YY1AP1: variants seen among roughly 807,000 people sequenced by gnomAD.
YY1AP1 encodes YY1 associated protein 1.
YY1AP1 carries 43 observed loss-of-function variants against 39.9 expected under a neutral mutation model. The ratio of observed to expected loss-of-function variants is 1.08; its 90% CI spans 0.84 to 1.39. YY1AP1 has a LOEUF of 1.39. Ranked by LOEUF, YY1AP1 falls within the 40% of genes most tolerant of loss-of-function variation. The probability of loss-of-function intolerance (pLI) is 0.00; values close to 1 mark genes in which losing one functional copy is unlikely to be tolerated. For synonymous variants in YY1AP1, 292 were observed against 331.3 expected (o/e 0.88, Z 1.29); for missense variants, 813 against 900.7 (o/e 0.90, Z 1.25).
At chr1:155,688,849 G>A, upstream of YY1AP1, 1 of 1,595,080 alleles carries the variant, frequency 6.3e-7, no homozygotes, top group Admixed American at 1.8e-5. Flanking sequence ...GGGCAGGAGA[G>A]GAAGGGACCG....
At position 155,680,411 on chromosome 1, in the gene YY1AP1, C is replaced by G. The variant is rs1341618119; in HGVS notation, c.21+5G>C. 6.2e-7 allele frequency: 1 copy of G among 1,613,338 alleles called. No individual in the cohort carries two copies. The highest frequency in any genetic ancestry group is 8.5e-7 in the Non-Finnish European group (1 of 1,179,564). On this transcript the variant is annotated splice_donor_5th_base_variant and intron_variant, in intron 3 of 10. Coordinates refer to ENST00000355499, the MANE Select transcript of YY1AP1 (RefSeq NM_139119.3). ...CCATGTTCTCACTTGAGGATCATTA[C>G]TCACAGTTTCAAACAGATCTTCCAT...
In YY1AP1 at chr1:155,660,470, A is replaced by T. The variant is rs558229355; in HGVS notation, c.1440T>A (p.Pro480=). ...GVSGGESFES[P]AALPAMPPEA... is the part of the protein sequence containing the mutation. ...CAGGGGGCATAGCAGGCAGTGCTGC[A>T]GGAGACTCAAAACTCTCACCTCCAC... The change falls in exon 11 of 11, where the codon CCT becomes CCA. Residue 480 remains proline, a synonymous_variant. Transcript: ENST00000355499. The T allele has an allele frequency of 8.1e-6, 13 of 1,614,184 alleles. No homozygotes were observed. In the East Asian group the frequency reaches 1.1e-4, roughly 14 times the overall value.
At position 155,659,485 on chromosome 1, in the gene YY1AP1, A is replaced by G. The variant is rs969369018; in HGVS notation, c.*172T>C. The G allele has an allele frequency of 3.1e-5, 21 of 670,298 alleles. No homozygotes were observed. The highest frequency in any genetic ancestry group is 5.2e-5 in the Non-Finnish European group (20 of 383,144). The allele number at this position is 670,298 out of a possible 1,614,324, so 41.5% of individuals were successfully genotyped here. ...AATAAAAGCACAGATTTATTGAAGC[A>G]AAAGTATATTCCACAGAGTGGGAGC... On this transcript the variant is annotated 3_prime_UTR_variant, in exon 11 of 11. Coordinates refer to ENST00000355499, the MANE Select transcript of YY1AP1 (RefSeq NM_139119.3).
chr1:155,673,608 A>C (rs1264285325), intron 6 of YY1AP1, among the ~76,000 whole-genome samples: 1 of 152,070 alleles, frequency 6.6e-6, no homozygotes, highest in Non-Finnish European at 1.5e-5. Context: ...GTGATATATA[A>C]GCACGGCTCC....
chr1:155,668,669 G>C lies in YY1AP1; in HGVS notation c.837C>G (p.Ile279Met), dbSNP rs1649414966. 1 of 1,614,174 alleles carries C rather than the reference G, an allele frequency of 6.2e-7. No individual in the cohort carries two copies. Among genetic ancestry groups the C allele is most frequent in the Non-Finnish European group, 8.5e-7 (1 of 1,180,032 alleles). ...GAGCTCTGTTCATGTTGAGGTTCTT[G>C]ATTCTCACTGTCAGTTGGCGGGCAG... ...CKTARQLTVR[I>M]KNLNMNRAPD... Residue 279 changes from isoleucine (I) to methionine (M), a missense_variant, in exon 9 of 11, where the codon ATC becomes ATG. Physicochemically the swap from Ile to Met is conservative, Grantham distance 10. Around this residue, in one of 3 missense-constraint regions of YY1AP1, gnomAD observed 586 missense variants for 647.4 expected, o/e 0.91. Transcript: ENST00000355499.
rs1278814689 is a variant in YY1AP1, at chr1:155,688,674, C to T, written c.-167G>A. ...TCACGCGTACCTTCAGCGGCGCGAGCCCAAGCCTTCTCCACCTCCTCTTCT... is the reference window on the plus strand; with the variant it reads ...TCACGCGTACCTTCAGCGGCGCGAGTCCAAGCCTTCTCCACCTCCTCTTCT... On this transcript the variant is annotated 5_prime_UTR_variant, in exon 1 of 11. Coordinates refer to ENST00000355499, the MANE Select transcript of YY1AP1 (RefSeq NM_139119.3). 2.2e-5 allele frequency: 34 copies of T among 1,532,150 alleles called. No individual in the cohort carries two copies. The highest frequency in any genetic ancestry group is 2.8e-5 in the Non-Finnish European group (32 of 1,145,868). The allele number at this position is 1,532,150 out of a possible 1,614,324, so 94.9% of individuals were successfully genotyped here.
chr1:155,669,917 A>C (rs930168228), intron 8 of YY1AP1, among the ~76,000 whole-genome samples: 1 of 152,162 alleles, frequency 6.6e-6, no homozygotes, highest in African/African-American at 2.4e-5. Context: ...CAGCTACTCC[A>C]TGGAGGCTGA....
intron 2 of YY1AP1, among the ~76,000 whole-genome samples, chr1:155,686,356 G>T (rs939127497): frequency 6.6e-6 from 1 of 151,846 alleles, no homozygotes. Context: ...GCGCCCTGCC[G>T]AAATCAGTCT....
intron 9 of YY1AP1, among the ~76,000 whole-genome samples, chr1:155,667,724 A>T (rs1435222461): frequency 1.3e-5 from 2 of 152,078 alleles, no homozygotes; most frequent in Admixed American, 1.3e-4. Flanking sequence ...AGGGAGGCTG[A>T]GGCAGGAGAA....
intron 8 of YY1AP1, 41 bp downstream of exon 8, chr1:155,670,279 C>A: frequency 1.2e-6 from 2 of 1,611,488 alleles, no homozygotes; most frequent in Non-Finnish European, 1.7e-6. Context: ...GGAACTACAT[C>A]TTCTCCTTGG....
intron 9 of YY1AP1, among the ~76,000 whole-genome samples, chr1:155,667,932 A>G (rs1649269979): frequency 6.6e-6 from 1 of 150,758 alleles, no homozygotes; most frequent in Non-Finnish European, 1.5e-5. Flanking sequence ...ACATACATAC[A>G]TACAGACACA....
chr1:155,660,154 G>C lies in YY1AP1; in HGVS notation c.1756C>G (p.Gln586Glu), dbSNP rs371156335. 45 of 1,614,068 alleles carry C rather than the reference G, an allele frequency of 2.8e-5. No individual in the cohort carries two copies. Among genetic ancestry groups the C allele is most frequent in the Non-Finnish European group, 3.8e-5 (45 of 1,180,022 alleles). Residue 586 changes from glutamine (Q) to glutamate (E), a missense_variant, in exon 11 of 11, where the codon CAG becomes GAG. Around this residue, in one of 3 missense-constraint regions of YY1AP1, gnomAD observed 586 missense variants for 647.4 expected, o/e 0.91. Transcript: ENST00000355499. Reference sequence around the variant, plus strand: ...AAGAGGGTGGCGATGGGAATAGTCTGGGGACTCTGGGCCACAGCCGCATTG... The same window carrying C: ...AAGAGGGTGGCGATGGGAATAGTCTCGGGACTCTGGGCCACAGCCGCATTG... ...PVNAAVAQSP[Q>E]TIPIATLLVN...
At chr1:155,668,275 C>T (rs113976453) in intron 9 of YY1AP1, among the ~76,000 whole-genome samples, 4 of 152,132 alleles carry the variant, frequency 2.6e-5, no homozygotes, top group Non-Finnish European at 4.4e-5. Flanking sequence ...TACTCCTGCA[C>T]TCCAGCCTGG....
At position 155,659,479 on chromosome 1, in the gene YY1AP1, T is replaced by C. The variant is rs1265578917; in HGVS notation, c.*178A>G. The C allele has an allele frequency of 1.5e-6, 1 of 655,070 alleles. No homozygotes were observed. The highest frequency in any genetic ancestry group is 2.7e-6 in the Non-Finnish European group (1 of 373,064). The allele number at this position is 655,070 out of a possible 1,614,324, so 40.6% of individuals were successfully genotyped here. A position where few individuals can be genotyped will look rare whatever the true frequency, so the allele number is the denominator to read the frequency against. ...TGAAGCAATAAAAGCACAGATTTAT[T>C]GAAGCAAAAGTATATTCCACAGAGT... On this transcript the variant is annotated 3_prime_UTR_variant, in exon 11 of 11. Transcript: ENST00000355499.
chr1:155,687,949 T>G, intron 2 of YY1AP1, 122 bp downstream of exon 2: 1 of 1,155,072 alleles, frequency 8.7e-7, no homozygotes, highest in Non-Finnish European at 1.2e-6. Context: ...CCCTCCCCCA[T>G]CTTCACCACT....
chr1:155,685,214 A>G lies in YY1AP1; in HGVS notation c.-21+2857T>C, dbSNP rs567508827. On this transcript the variant is annotated intron_variant, in intron 2 of 10. Coordinates refer to ENST00000355499, the MANE Select transcript of YY1AP1 (RefSeq NM_139119.3). The stretch of plus-strand genomic sequence containing the variant: ...TTTATGGTTATTCCTAAGAATAAGT[A>G]GTGACAAAAAGTCTTTGCAATTGGG... Among the ~76,000 whole-genome samples the G allele has an allele frequency of 2.6e-5, 4 of 152,344 alleles. No homozygotes were observed. In the South Asian group the frequency reaches 6.2e-4, roughly 24 times the overall value.
chr1:155,668,899 T>C (rs1649450837), intron 8 of YY1AP1, 122 bp from the exon 9 acceptor site: 1 of 1,438,070 alleles, frequency 7.0e-7, no homozygotes, highest in Non-Finnish European at 9.5e-7. Context: ...GGTCTCACTC[T>C]GTCACCTGGG....
At chr1:155,684,678 T>A (rs1483515255) in intron 2 of YY1AP1, among the ~76,000 whole-genome samples, 1 of 151,924 alleles carries the variant, frequency 6.6e-6, no homozygotes, top group Non-Finnish European at 1.5e-5. Flanking sequence ...CAAGCAATTC[T>A]TGGTTCAAGC....
At chr1:155,676,896 T>C in intron 4 of YY1AP1, 150 bp from the exon 5 acceptor site, 1 of 767,920 alleles carries the variant, frequency 1.3e-6, no homozygotes, top group Non-Finnish European at 2.1e-6. Flanking sequence ...CTCCCAGCCT[T>C]ACACAAATCT....
Sources: gnomAD v4.1 joint callset for allele counts (sites outside exome capture counted in the v4.1 genomes callset) on GRCh38, gnomAD v4.1.1 for gene constraint, gnomAD v4.1.1 regional missense constraint, MANE v1.5 for transcripts, NCBI Gene and HGNC (gene_info 2026-07-23, HGNC 2026-07-21) for gene names.